Variants in TCF12 observed in about 807,000 individuals in gnomAD.
TCF12 encodes transcription factor 12, also known as DNA-binding protein HTF4.
A neutral mutation model predicts 86.0 loss-of-function variants in TCF12; 45 were observed. The ratio of observed to expected loss-of-function variants is 0.52; its 90% confidence interval spans 0.41 to 0.67. The LOEUF is 0.67. TCF12 is among the 30% of genes least tolerant of loss of function. TCF12 has a pLI of 0.00. For missense variants in TCF12, 881 were observed against 859.9 expected (o/e 1.02, Z -0.31); for synonymous variants, 330 against 299.6 (o/e 1.10, Z -1.05).
intron 3 of TCF12, among the ~76,000 whole-genome samples, chr15:56,939,178 G>A (rs548156033): frequency 1.1e-4 from 17 of 152,054 alleles, no homozygotes; most frequent in Non-Finnish European, 2.1e-4. Context: ...TTGTAAAAAT[G>A]TATTCCATTA....
chr15:57,159,701 G>A (rs1214144607), intron 5 of TCF12, among the ~76,000 whole-genome samples: 1 of 86,708 alleles, frequency 1.2e-5, no homozygotes, highest in African/African-American at 4.2e-5. Context: ...TAGCTTTTAA[G>A]AAAAACCAGT....
rs191685609 is a variant in TCF12 at position 57,164,580 on chromosome 15, C to T, written c.326-1822C>T. 3.8e-4 allele frequency among the ~76,000 whole-genome samples: 58 copies of T among 152,284 alleles called. No homozygotes were observed. The East Asian group carries it at 9.6e-3, about 25-fold the overall frequency. Reference sequence around the variant, plus strand: ...GTTACCTCCCACCAGGTCCCTCCCACGACATGTCGGGATTATGGGATCTAC... The same window carrying T: ...GTTACCTCCCACCAGGTCCCTCCCATGACATGTCGGGATTATGGGATCTAC... On this transcript the variant is annotated intron_variant, in intron 5 of 20. Coordinates refer to ENST00000333725, the MANE Select transcript of TCF12 (RefSeq NM_207037.2).
chr15:57,263,104 T>C lies in TCF12; in HGVS notation c.1583-8T>C, dbSNP rs749356575. 25 of 1,588,486 alleles carry C rather than the reference T, an allele frequency of 1.6e-5. 1 individual carries two copies. In the South Asian group the frequency reaches 2.7e-4, roughly 17 times the overall value. On this transcript the variant is annotated splice_polypyrimidine_tract_variant and splice_region_variant and intron_variant, in intron 17 of 20. Transcript: ENST00000333725. ...TTTTATTTTATCTTTCCTTTGCCTC[T>C]TTGTTAGGTGGCTTGCAAAGTCAGT...
chr15:57,131,266 TTA>T (rs1222713527), intron 5 of TCF12, among the ~76,000 whole-genome samples: 7 of 152,190 alleles, frequency 4.6e-5, no homozygotes, highest in Non-Finnish European at 2.9e-5. Flanking sequence ...TCACTGCTCT[TTA>T]TGTTTTTTCC....
chr15:56,985,802 A>G (rs1248043097), intron 3 of TCF12, among the ~76,000 whole-genome samples: 4 of 152,158 alleles, frequency 2.6e-5, no homozygotes, highest in Admixed American at 6.5e-5. Context: ...TGTTTTTCCT[A>G]TTTAAATGAA....
At chr15:56,977,986 C>A (rs192864002) in intron 3 of TCF12, among the ~76,000 whole-genome samples, 1 of 151,934 alleles carries the variant, frequency 6.6e-6, no homozygotes, top group East Asian at 1.9e-4. Context: ...CTTTGACAAC[C>A]GCTGCACAAT....
At chr15:57,275,578 C>T (rs1427964098) in intron 19 of TCF12, among the ~76,000 whole-genome samples, 1 of 152,006 alleles carries the variant, frequency 6.6e-6, no homozygotes, top group African/African-American at 2.4e-5. Flanking sequence ...ACTGTCTTTT[C>T]CTCGATTTAC....
chr15:57,282,160 T>C (rs1029243910), intron 19 of TCF12: 1 of 424,120 alleles, frequency 2.4e-6, no homozygotes, highest in Non-Finnish European at 4.3e-6. Flanking sequence ...ACAACAGCAT[T>C]TGCCAAAATG....
rs28654864 is a variant in TCF12, at chr15:57,111,424, T to C, written c.325+19533T>C. Among the ~76,000 whole-genome samples the C allele has an allele frequency of 4.7e-3, 710 of 152,138 alleles. 5 individuals carry two copies. Among genetic ancestry groups the C allele is most frequent in the African/African-American group, 0.016 (671 of 41,484 alleles). On this transcript the variant is annotated intron_variant, in intron 5 of 20. Coordinates refer to ENST00000333725, the MANE Select transcript of TCF12 (RefSeq NM_207037.2). ...ACTGAGGTCCTTGGTGTGTTCTTGT[T>C]CAGGGAAGATGACACAAAGGGGAAT...
At chr15:56,919,523 C>A (rs1266047436) in intron 1 of TCF12, 1 of 170,694 alleles carries the variant, frequency 5.9e-6, no homozygotes, top group South Asian at 1.8e-4. Context: ...CCGAATTGCC[C>A]CTCACCCCGC....
At chr15:56,929,025 AT>A (rs2060134668) in intron 3 of TCF12, among the ~76,000 whole-genome samples, 1 of 152,154 alleles carries the variant, frequency 6.6e-6, no homozygotes, top group South Asian at 2.1e-4. Context: ...ATTCATGTAC[AT>A]TTTATTTTCT....
chr15:57,165,144 G>GTA (rs2054788758), intron 5 of TCF12, among the ~76,000 whole-genome samples: 1 of 148,734 alleles, frequency 6.7e-6, no homozygotes, highest in Non-Finnish European at 1.5e-5. Flanking sequence ...CTGTGTGTGT[G>GTA]TGTGTGTGTG....
rs767877212 is a variant in TCF12 at position 57,197,765 on chromosome 15, A to G, written c.527-8A>G. 1.9e-6 allele frequency: 3 copies of G among 1,613,882 alleles called. No homozygotes were observed. Among genetic ancestry groups the G allele is most frequent in the Non-Finnish European group, 2.5e-6 (3 of 1,179,928 alleles). On this transcript the variant is annotated splice_region_variant and splice_polypyrimidine_tract_variant and intron_variant, in intron 7 of 20. Coordinates refer to ENST00000333725, the MANE Select transcript of TCF12 (RefSeq NM_207037.2). ...ATGCTGAAGAAATGTATTGTTTTCC[A>G]TCTGCAGATCCCTTGCAAGCAAAAA...
chr15:56,973,081 A>C (rs1217240747), intron 3 of TCF12, among the ~76,000 whole-genome samples: 1 of 152,078 alleles, frequency 6.6e-6, no homozygotes, highest in Admixed American at 6.6e-5. Context: ...AGGGAGTTTT[A>C]AAAGTAGAAA....
In TCF12 at chr15:57,197,777, C is replaced by G; in HGVS notation, c.531C>G (p.Pro177=). The change falls in exon 8 of 21, where the codon CCC becomes CCG. Residue 177 remains proline (P), a synonymous_variant. Transcript: ENST00000333725. ...TGTATTGTTTTCCATCTGCAGATCC[C>G]TTGCAAGCAAAAAAAGTCAGAAAGG... ...RPLHDSAALD[P]LQAKKVRKVP... 6.2e-7 allele frequency: 1 copy of G among 1,613,884 alleles called. No homozygotes were observed. The highest frequency in any genetic ancestry group is 8.5e-7 in the Non-Finnish European group (1 of 1,179,924).
intron 16 of TCF12, among the ~76,000 whole-genome samples, chr15:57,258,597 T>C (rs1216854095): frequency 6.6e-6 from 1 of 152,206 alleles, no homozygotes; most frequent in Non-Finnish European, 1.5e-5. Flanking sequence ...GATTCATTGT[T>C]ATAAGTCCTG....
intron 4 of TCF12, among the ~76,000 whole-genome samples, chr15:57,075,837 T>TC (rs758162950): frequency 3.7e-5 from 4 of 108,578 alleles, no homozygotes; most frequent in African/African-American, 1.2e-4. Context: ...TCTCTCTCTT[T>TC]TCTTTCTTTC....
intron 1 of TCF12, chr15:56,919,637 G>C: frequency 3.2e-6 from 1 of 310,472 alleles, no homozygotes; most frequent in East Asian, 5.9e-5. Flanking sequence ...CGGAAACTTG[G>C]GGGAGAGGCG....
At chr15:56,956,202 C>T (rs2061498446) in intron 3 of TCF12, among the ~76,000 whole-genome samples, 1 of 151,598 alleles carries the variant, frequency 6.6e-6, no homozygotes, top group African/African-American at 2.4e-5. Flanking sequence ...TAATTTGGAA[C>T]ATTTAATGTA....
Sources: gnomAD v4.1 joint callset for allele counts (sites outside exome capture counted in the v4.1 genomes callset) on GRCh38, gnomAD v4.1.1 for gene constraint, MANE v1.5 for transcripts, NCBI Gene and HGNC (gene_info 2026-07-23, HGNC 2026-07-21) for gene names.